ZNF571: variants seen among roughly 807,000 people sequenced by gnomAD.
The protein encoded by ZNF571 is zinc finger protein 571.
A neutral mutation model predicts 7.7 loss-of-function variants in ZNF571; 4 were observed. The observed-to-expected ratio is 0.52, with a 90% CI of 0.25 to 1.18. ZNF571 has a LOEUF of 1.18. ZNF571 is among the 50% of genes most tolerant of loss of function. The probability of loss-of-function intolerance (pLI) is 0.14; values close to 1 mark genes in which losing one functional copy is unlikely to be tolerated. For missense variants in ZNF571, 704 were observed against 726.9 expected (o/e 0.97, Z 0.36); for synonymous variants, 251 against 232.4 (o/e 1.08, Z -0.73).
chr19:37,586,679 T>A lies in ZNF571; in HGVS notation c.-3A>T. On this transcript the variant is annotated 5_prime_UTR_variant, in exon 2 of 4. Coordinates refer to ENST00000451802, the MANE Select transcript of ZNF571 (RefSeq NM_016536.5). ...AAACAGCAACTCACGTGGGGCATGG[T>A]TTTTTAGAACTGATCAATTTTCTGG... is the stretch of plus-strand genomic sequence containing the variant. 1 of 1,614,002 alleles carries A rather than the reference T, an allele frequency of 6.2e-7. No homozygotes were observed. Among genetic ancestry groups the A allele is most frequent in the South Asian group, 1.1e-5 (1 of 91,054 alleles).
intron 3 of ZNF571, 96 bp downstream of exon 3, chr19:37,583,875 T>C (rs982823961): frequency 3.0e-6 from 4 of 1,314,736 alleles, no homozygotes; most frequent in Non-Finnish European, 3.2e-6. Context: ...TACTCAAACG[T>C]AAGCCTTTCC....
chr19:37,591,415 C>T (rs1044276540), intron 1 of ZNF571, among the ~76,000 whole-genome samples: 1 of 152,166 alleles, frequency 6.6e-6, no homozygotes, highest in African/African-American at 2.4e-5. Flanking sequence ...CACAATAGTT[C>T]GAAACATATG....
At chr19:37,584,203 C>T in intron 2 of ZNF571, 106 bp from the exon 3 acceptor site, 1 of 1,546,234 alleles carries the variant, frequency 6.5e-7, no homozygotes, top group Non-Finnish European at 8.8e-7. Context: ...CACAAAACAA[C>T]AGGAAATTGG....
intron 3 of ZNF571, among the ~76,000 whole-genome samples, chr19:37,573,056 T>G (rs1188799093): frequency 2.6e-5 from 4 of 152,210 alleles, no homozygotes; most frequent in African/African-American, 9.7e-5. Context: ...GATCTAAATA[T>G]TAATCAGTTA....
At chr19:37,580,015 A>G (rs185584474) in intron 3 of ZNF571, among the ~76,000 whole-genome samples, 1 of 152,368 alleles carries the variant, frequency 6.6e-6, no homozygotes, top group Non-Finnish European at 1.5e-5. Context: ...CATAATATCA[A>G]TTTAGCTCAT....
At chr19:37,594,432 C>T (rs537564381) in intron 1 of ZNF571, 151 of 152,456 alleles carry the variant, frequency 9.9e-4, no homozygotes, top group African/African-American at 3.4e-3. Flanking sequence ...TCTAGCCTCC[C>T]TATCCCAAAG....
chr19:37,583,138 A>C (rs1338580579), intron 3 of ZNF571, among the ~76,000 whole-genome samples: 1 of 152,168 alleles, frequency 6.6e-6, no homozygotes, highest in East Asian at 1.9e-4. Context: ...CTGCCTGAAC[A>C]CACCTTTCCC....
chr19:37,584,920 C>T (rs1298030333), intron 2 of ZNF571, among the ~76,000 whole-genome samples: 1 of 149,758 alleles, frequency 6.7e-6, no homozygotes, highest in East Asian at 2.0e-4. Flanking sequence ...GCCGAGATTG[C>T]GCCACTGCAC....
chr19:37,566,721 G>A (rs1402118975), intron 3 of ZNF571, among the ~76,000 whole-genome samples: 3 of 152,058 alleles, frequency 2.0e-5, no homozygotes, highest in Non-Finnish European at 4.4e-5. Context: ...TAACCTCTTA[G>A]CTGGTTTCTC....
In ZNF571 at chr19:37,565,287, G is replaced by A; in HGVS notation, c.1141C>T (p.His381Tyr). 1 of 1,611,044 alleles carries A rather than the reference G, an allele frequency of 6.2e-7. No individual in the cohort carries two copies. Among genetic ancestry groups the A allele is most frequent in the East Asian group, 2.2e-5 (1 of 44,824 alleles). ...TFFRGSQLTY[H>Y]LRVHSGERPY... is the part of the protein sequence containing the mutation. ...CTCTCACCTGAATGAACTCTCAGGT[G>A]GTAAGTAAGTTGTGAGCCACGAAAA... is the stretch of plus-strand genomic sequence containing the variant. The change falls in exon 4 of 4, where the codon CAC becomes TAC. Residue 381 changes from histidine to tyrosine, a missense_variant. Coordinates refer to ENST00000451802, the MANE Select transcript of ZNF571 (RefSeq NM_016536.5).
intron 1 of ZNF571, among the ~76,000 whole-genome samples, chr19:37,588,639 C>T (rs2043766070): frequency 6.6e-6 from 1 of 152,176 alleles, no homozygotes; most frequent in South Asian, 2.1e-4. Context: ...CTGGATCATA[C>T]CCCAAACCTC....
At chr19:37,593,820 G>C (rs2043938461) in intron 1 of ZNF571, among the ~76,000 whole-genome samples, 1 of 152,114 alleles carries the variant, frequency 6.6e-6, no homozygotes, top group African/African-American at 2.4e-5. Context: ...TCCCATCCCC[G>C]CAGCATCATT....
At chr19:37,570,250 C>T (rs886813509) in intron 3 of ZNF571, among the ~76,000 whole-genome samples, 2 of 152,186 alleles carry the variant, frequency 1.3e-5, no homozygotes, top group Non-Finnish European at 2.9e-5. Flanking sequence ...CTACTTCACT[C>T]CAAACTATGC....
At chr19:37,571,310 CATG>C (rs2043043192) in intron 3 of ZNF571, among the ~76,000 whole-genome samples, 1 of 152,026 alleles carries the variant, frequency 6.6e-6, no homozygotes, top group Admixed American at 6.6e-5. Context: ...GCCTGGCCAA[CATG>C]GTGAAACTCC....
At chr19:37,584,245 T>G in intron 2 of ZNF571, 148 bp from the exon 3 acceptor site, 4 of 951,180 alleles carry the variant, frequency 4.2e-6, no homozygotes, top group Non-Finnish European at 6.2e-6. Context: ...CCTGATTCTC[T>G]ATCATTCCTA....
intron 3 of ZNF571, among the ~76,000 whole-genome samples, chr19:37,576,042 TACACAC>T (rs34837052): frequency 2.6e-4 from 38 of 148,846 alleles, no homozygotes; most frequent in Non-Finnish European, 3.9e-4. Context: ...CATACATGCA[TACACAC>T]ACACACACAC....
chr19:37,568,666 A>C (rs971186306), intron 3 of ZNF571, among the ~76,000 whole-genome samples: 5 of 152,210 alleles, frequency 3.3e-5, no homozygotes, highest in Admixed American at 2.6e-4. Flanking sequence ...TTAGAATACC[A>C]AAGTCTCAGA....
intron 3 of ZNF571, among the ~76,000 whole-genome samples, chr19:37,583,214 GTCC>G (rs1489442959): frequency 6.6e-6 from 1 of 152,078 alleles, no homozygotes; most frequent in Non-Finnish European, 1.5e-5. Context: ...ATCATTCCTG[GTCC>G]TCCTAACCTA....
intron 1 of ZNF571, among the ~76,000 whole-genome samples, chr19:37,592,321 A>G (rs1445531904): frequency 2.0e-5 from 3 of 152,158 alleles, no homozygotes; most frequent in Middle Eastern, 3.2e-3. Flanking sequence ...GTGCTTCTCA[A>G]TCCTTCTAAA....
Sources: allele counts gnomAD v4.1 joint callset (sites outside exome capture counted in the v4.1 genomes callset), GRCh38; gene constraint gnomAD v4.1.1; transcripts MANE v1.5; gene names NCBI Gene and HGNC (gene_info 2026-07-23, HGNC 2026-07-21).